Variants in YWHAB observed in about 807,000 individuals in gnomAD.
YWHAB encodes 14-3-3 protein beta/alpha.
In YWHAB, 2 loss-of-function variants were observed where a neutral mutation model predicts 28.5. That is an observed-to-expected ratio of 0.07 (90% confidence interval 0.03 to 0.22). The LOEUF (loss-of-function observed/expected upper bound fraction) is 0.22, where lower values mean the gene tolerates loss of function less well. YWHAB is among the 10% of genes least tolerant of loss of function. The pLI is 1.00. For missense variants in YWHAB, 148 were observed against 297.1 expected (o/e 0.50, Z 3.69); for synonymous variants, 103 against 104.7 (o/e 0.98, Z 0.10).
At chr20:44,896,222 T>A (rs528391588) in intron 1 of YWHAB, among the ~76,000 whole-genome samples, 2 of 152,392 alleles carry the variant, frequency 1.3e-5, no homozygotes, top group Non-Finnish European at 2.9e-5. Flanking sequence ...TGATTCTATC[T>A]GTTTTTACTT....
At chr20:44,899,170 G>T (rs1057115536) in intron 1 of YWHAB, among the ~76,000 whole-genome samples, 1 of 150,990 alleles carries the variant, frequency 6.6e-6, no homozygotes, top group African/African-American at 2.4e-5. Context: ...AGTAATGAAA[G>T]AATTTGTTTT....
intron 1 of YWHAB, among the ~76,000 whole-genome samples, chr20:44,896,067 G>A (rs998779230): frequency 1.3e-5 from 2 of 152,178 alleles, no homozygotes; most frequent in African/African-American, 2.4e-5. Context: ...CTGAAGAAAC[G>A]TGGTAAGACA....
At chr20:44,906,307 G>A (rs1308245176) in intron 5 of YWHAB, 75 bp from the exon 6 acceptor site, 9 of 1,466,296 alleles carry the variant, frequency 6.1e-6, no homozygotes, top group Non-Finnish European at 5.7e-6. Context: ...AGTGAGATAA[G>A]ATTATACATA....
At chr20:44,886,849 C>T (rs2066531116) in intron 1 of YWHAB, 1 of 152,204 alleles carries the variant, frequency 6.6e-6, no homozygotes, top group African/African-American at 2.4e-5. Context: ...TTGTCGTTGC[C>T]TTCATTGCAT....
chr20:44,900,050 T>C (rs1208429950), intron 1 of YWHAB, among the ~76,000 whole-genome samples: 1 of 150,330 alleles, frequency 6.7e-6, no homozygotes, highest in East Asian at 1.9e-4. Flanking sequence ...GGTAGTGTTC[T>C]TTCTTTTTTT....
At chr20:44,890,651 C>T (rs910092434) in intron 1 of YWHAB, among the ~76,000 whole-genome samples, 2 of 152,052 alleles carry the variant, frequency 1.3e-5, no homozygotes, top group African/African-American at 4.8e-5. Context: ...GCTGGGATTA[C>T]AGGCGCCTGC....
intron 2 of YWHAB, chr20:44,902,584 CCTGCTGG>C (rs1192275498): frequency 4.6e-5 from 7 of 152,204 alleles, no homozygotes; most frequent in Non-Finnish European, 1.0e-4. Context: ...TACCACCTTC[CCTGCTGG>C]CTGCCTTTCT....
chr20:44,890,500 C>CTTTTTT (rs35619333), intron 1 of YWHAB, among the ~76,000 whole-genome samples: 7 of 86,392 alleles, frequency 8.1e-5, no homozygotes, highest in Admixed American at 1.4e-4. Context: ...TGGATTCCTA[C>CTTTTTT]TTTTTTTTTT....
chr20:44,896,860 A>G (rs1341579529), intron 1 of YWHAB, among the ~76,000 whole-genome samples: 1 of 152,248 alleles, frequency 6.6e-6, no homozygotes, highest in Admixed American at 6.5e-5. Context: ...GTCAAAAGTT[A>G]TGTAAGCAGT....
chr20:44,893,533 C>T (rs6031853), intron 1 of YWHAB, among the ~76,000 whole-genome samples: 31 of 151,806 alleles, frequency 2.0e-4, no homozygotes, highest in Middle Eastern at 6.8e-3. Flanking sequence ...CCTTTCTGTT[C>T]GGGTTTGTTT....
intron 1 of YWHAB, chr20:44,886,656 G>C (rs994824927): frequency 2.6e-5 from 4 of 152,204 alleles, no homozygotes; most frequent in African/African-American, 9.7e-5. Flanking sequence ...TTGTGTGTTA[G>C]CACGTTTTTC....
intron 1 of YWHAB, among the ~76,000 whole-genome samples, chr20:44,893,721 G>A (rs1240745059): frequency 4.3e-5 from 5 of 117,356 alleles, no homozygotes; most frequent in East Asian, 4.7e-4. Flanking sequence ...TTTTTGAGAC[G>A]GAGTTTCGCT....
intron 2 of YWHAB, 151 bp from the exon 3 acceptor site, chr20:44,903,842 C>A: frequency 2.4e-6 from 2 of 849,984 alleles, no homozygotes; most frequent in Non-Finnish European, 3.5e-6. Context: ...ATGACCTGGG[C>A]TAAACAACAT....
Position 44,906,493 on chromosome 20 carries a change from C to A in YWHAB, c.*55C>A. On this transcript the variant is annotated 3_prime_UTR_variant, in exon 6 of 6. Transcript: ENST00000353703. The stretch of plus-strand genomic sequence containing the variant: ...GTCACTCTGTACCCTCAACATATAT[C>A]CCTTGTGCGATAAAAAAAAAAAAAA... The A allele has an allele frequency of 3.9e-6, 4 of 1,026,316 alleles. No homozygotes were observed. The highest frequency in any genetic ancestry group is 4.2e-6 in the Non-Finnish European group (3 of 721,130). 63.6% of individuals were successfully genotyped at this position (1,026,316 alleles called of 1,614,324 possible).
intron 1 of YWHAB, among the ~76,000 whole-genome samples, chr20:44,891,555 G>A (rs150262755): frequency 1.3e-5 from 2 of 152,240 alleles, no homozygotes; most frequent in Admixed American, 6.5e-5. Context: ...TCAACCAATT[G>A]GGCTGTCTTT....
At position 44,906,447 on chromosome 20, in the gene YWHAB, G is replaced by A. The variant is rs759679647; in HGVS notation, c.*9G>A. The stretch of plus-strand genomic sequence containing the variant: ...GGGAGGGAGAGAACTAATGTTTCTC[G>A]TGCTTTGTGATCTGTTCAGTGTCAC... On this transcript the variant is annotated 3_prime_UTR_variant, in exon 6 of 6. Coordinates refer to ENST00000353703, the MANE Select transcript of YWHAB (RefSeq NM_139323.4). The A allele has an allele frequency of 1.5e-5, 24 of 1,601,034 alleles. No individual in the cohort carries two copies. Among genetic ancestry groups the A allele is most frequent in the South Asian group, 1.4e-4 (13 of 90,790 alleles).
At chr20:44,902,932 T>C (rs1452776149) in intron 2 of YWHAB, 2 of 455,926 alleles carry the variant, frequency 4.4e-6, no homozygotes, top group African/African-American at 4.3e-5. Flanking sequence ...ATGTCATGCA[T>C]TCCAAGGGCA....
intron 1 of YWHAB, among the ~76,000 whole-genome samples, chr20:44,900,219 T>G (rs576043162): frequency 6.6e-6 from 1 of 152,282 alleles, no homozygotes; most frequent in East Asian, 1.9e-4. Flanking sequence ...AGCCAATTTT[T>G]TCTTCTTTTG....
Position 44,906,507 on chromosome 20 carries a change from A to T in YWHAB, c.*69A>T. ...TCAACATATATCCCTTGTGCGATAA[A>T]AAAAAAAAAAAAAAAAAAAAGAGAA... is the stretch of plus-strand genomic sequence containing the variant. On this transcript the variant is annotated 3_prime_UTR_variant, in exon 6 of 6. Coordinates refer to ENST00000353703, the MANE Select transcript of YWHAB (RefSeq NM_139323.4). 3 of 597,182 alleles carry T rather than the reference A, an allele frequency of 5.0e-6. No individual in the cohort carries two copies. Among genetic ancestry groups the T allele is most frequent in the African/African-American group, 3.3e-5 (1 of 30,016 alleles). 37.0% of individuals were successfully genotyped at this position (597,182 alleles called of 1,614,324 possible). A position where few individuals can be genotyped will look rare whatever the true frequency, so the allele number is the denominator to read the frequency against.
Sources: allele counts gnomAD v4.1 joint callset (sites outside exome capture counted in the v4.1 genomes callset), GRCh38; gene constraint gnomAD v4.1.1; transcripts MANE v1.5; gene names NCBI Gene and HGNC (gene_info 2026-07-23, HGNC 2026-07-21).